FBXW7: variants seen among roughly 807,000 people sequenced by gnomAD.
FBXW7 encodes F-box and WD repeat domain containing 7.
Under a neutral mutation model 86.3 loss-of-function variants are expected in FBXW7, and 11 were observed. The ratio of observed to expected loss-of-function variants is 0.13; its 90% CI spans 0.08 to 0.21. The LOEUF (loss-of-function observed/expected upper bound fraction) is 0.21, where lower values mean the gene tolerates loss of function less well. Ranked by LOEUF, FBXW7 falls within the 10% of genes least tolerant of loss-of-function variation. The pLI is 1.00. For synonymous variants in FBXW7, 313 were observed against 297.9 expected (o/e 1.05, Z -0.52); for missense variants, 488 against 847.4 (o/e 0.58, Z 5.27).
chr4:152,484,038 G>C (rs1384936336), intron 2 of FBXW7, among the ~76,000 whole-genome samples: 1 of 151,992 alleles, frequency 6.6e-6, no homozygotes, highest in Non-Finnish European at 1.5e-5. Context: ...TTACAGACTA[G>C]AACTTTGAAT....
intron 4 of FBXW7, among the ~76,000 whole-genome samples, chr4:152,397,639 C>T (rs970165233): frequency 2.3e-5 from 3 of 129,654 alleles, no homozygotes; most frequent in Non-Finnish European, 4.6e-5. Flanking sequence ...CACACATTGA[C>T]ATTACCTATT....
chr4:152,485,769 C>G (rs542044508), intron 2 of FBXW7, among the ~76,000 whole-genome samples: 7 of 152,174 alleles, frequency 4.6e-5, no homozygotes, highest in Non-Finnish European at 1.0e-4. Flanking sequence ...TTTTGTTGTG[C>G]CACAAAGCAA....
At chr4:152,445,909 TTAAAAAAAAA>T (rs1741332870) in intron 2 of FBXW7, among the ~76,000 whole-genome samples, 1 of 67,000 alleles carries the variant, frequency 1.5e-5, no homozygotes, top group Non-Finnish European at 2.9e-5. Flanking sequence ...GACTCTGTCT[TTAAAAAAAAA>T]AAAAAAAAAA....
intron 4 of FBXW7, among the ~76,000 whole-genome samples, chr4:152,383,651 AG>A (rs1270185824): frequency 6.6e-6 from 1 of 152,110 alleles, no homozygotes; most frequent in Non-Finnish European, 1.5e-5. Flanking sequence ...GTTTTATAGC[AG>A]GAATTTTGAC....
intron 2 of FBXW7, among the ~76,000 whole-genome samples, chr4:152,438,947 C>A (rs776907526): frequency 2.6e-5 from 4 of 152,210 alleles, no homozygotes; most frequent in Admixed American, 1.3e-4. Context: ...TACATTAGTT[C>A]ATTCATTCAT....
intron 2 of FBXW7, among the ~76,000 whole-genome samples, chr4:152,438,402 G>A (rs574966380): frequency 7.0e-4 from 106 of 152,136 alleles, no homozygotes; most frequent in Middle Eastern, 3.4e-3. Context: ...AAGTGGCCAG[G>A]CACGGTGGCT....
At chr4:152,458,440 C>T (rs1481612926) in intron 2 of FBXW7, among the ~76,000 whole-genome samples, 2 of 152,174 alleles carry the variant, frequency 1.3e-5, no homozygotes, top group Admixed American at 1.3e-4. Context: ...CTTTACATTC[C>T]TAACTCTCAA....
chr4:152,362,828 C>CAAAAAAAAAAAAAAA, intron 4 of FBXW7, among the ~76,000 whole-genome samples: 1 of 79,136 alleles, frequency 1.3e-5, no homozygotes, highest in Non-Finnish European at 2.2e-5. Context: ...CTCTCTCTCT[C>CAAAAAAAAAAAAAAA]AAAAAAAAAA....
intron 2 of FBXW7, among the ~76,000 whole-genome samples, chr4:152,438,438 G>C (rs1423041491): frequency 6.6e-6 from 1 of 152,046 alleles, no homozygotes; most frequent in African/African-American, 2.4e-5. Context: ...AGCACTTTGG[G>C]AGGCCAAGCC....
intron 4 of FBXW7, among the ~76,000 whole-genome samples, chr4:152,404,846 A>C (rs1737265148): frequency 6.6e-6 from 1 of 152,138 alleles, no homozygotes; most frequent in Non-Finnish European, 1.5e-5. Flanking sequence ...TAATCCCAGC[A>C]CTTTGGGAGG....
chr4:152,347,147 T>C (rs936853070), intron 5 of FBXW7, 76 bp from the exon 6 acceptor site: 2 of 1,207,100 alleles, frequency 1.7e-6, no homozygotes, highest in South Asian at 2.9e-5. Flanking sequence ...TAGATACTTA[T>C]TAATAATAGA....
At chr4:152,369,888 G>A (rs986033234) in intron 4 of FBXW7, among the ~76,000 whole-genome samples, 2 of 151,828 alleles carry the variant, frequency 1.3e-5, no homozygotes, top group African/African-American at 4.8e-5. Flanking sequence ...CATAATATAA[G>A]AGATTTTGTA....
At chr4:152,351,996 G>A (rs181697114) in intron 4 of FBXW7, among the ~76,000 whole-genome samples, 1 of 152,094 alleles carries the variant, frequency 6.6e-6, no homozygotes, top group Non-Finnish European at 1.5e-5. Flanking sequence ...ACTGACTTCA[G>A]AACCAAAAAT....
intron 3 of FBXW7, 100 bp from the exon 4 acceptor site, chr4:152,411,972 A>C (rs572585141): frequency 1.9e-5 from 21 of 1,127,446 alleles, no homozygotes; most frequent in Non-Finnish European, 2.3e-5. Flanking sequence ...TAATGATTGC[A>C]AAAAAGTATT....
Position 152,411,197 on chromosome 4 carries a change from T to C in FBXW7, c.501+106A>G, listed in dbSNP as rs531591726. 13 of 1,357,322 alleles carry C rather than the reference T, an allele frequency of 9.6e-6. No homozygotes were observed. In the African/African-American group the frequency reaches 1.6e-4, roughly 17 times the overall value. The allele number at this position is 1,357,322 out of a possible 1,614,324, so 84.1% of individuals were successfully genotyped here. ...AACTAGTTCATTTTATTATTACACA[T>C]CTTAAGATTAATTTTTAGTAATACA... On this transcript the variant is annotated intron_variant, in intron 4 of 13. Transcript: ENST00000281708.
intron 8 of FBXW7, among the ~76,000 whole-genome samples, chr4:152,331,512 T>C (rs183285263): frequency 2.6e-5 from 4 of 151,726 alleles, no homozygotes; most frequent in African/African-American, 9.7e-5. Context: ...GTACCTAGAG[T>C]AGTCAAACTC....
chr4:152,471,355 G>A (rs1560939176), intron 2 of FBXW7, among the ~76,000 whole-genome samples: 2 of 148,496 alleles, frequency 1.3e-5, no homozygotes, highest in Admixed American at 1.4e-4. Context: ...TACAATTACA[G>A]GGAGGGAAGG....
chr4:152,426,067 C>G (rs1269159308), intron 2 of FBXW7, among the ~76,000 whole-genome samples: 1 of 152,092 alleles, frequency 6.6e-6, no homozygotes, highest in African/African-American at 2.4e-5. Flanking sequence ...AAGCAGTGAC[C>G]TTAATTAAAA....
At chr4:152,527,865 T>C (rs74510304) in intron 2 of FBXW7, among the ~76,000 whole-genome samples, 308 of 137,478 alleles carry the variant, frequency 2.2e-3, no homozygotes, top group South Asian at 4.6e-3. Flanking sequence ...AAAAATTATA[T>C]ACACACACAC....
Sources: allele counts gnomAD v4.1 joint callset (sites outside exome capture counted in the v4.1 genomes callset), GRCh38; gene constraint gnomAD v4.1.1; transcripts MANE v1.5; gene names NCBI Gene and HGNC (gene_info 2026-07-23, HGNC 2026-07-21).